Variants in RBFOX1 observed in about 807,000 individuals in gnomAD.
The protein encoded by RBFOX1 is RNA binding protein fox-1 homolog 1.
In RBFOX1, 8 loss-of-function variants were observed where a neutral mutation model predicts 57.7. The observed-to-expected ratio is 0.14, with a 90% confidence interval of 0.08 to 0.25. The LOEUF is 0.25. Ranked by LOEUF, RBFOX1 falls within the 10% of genes least tolerant of loss-of-function variation. The pLI, the probability that RBFOX1 is intolerant of heterozygous loss-of-function variation, is 1.00. For missense variants in RBFOX1, 611 were observed against 548.5 expected (o/e 1.11, Z -1.14); for synonymous variants, 326 against 222.4 (o/e 1.47, Z -4.15).
intron 4 of RBFOX1, among the ~76,000 whole-genome samples, chr16:7,498,447 G>GC (rs1222906666): frequency 2.0e-5 from 2 of 97,880 alleles, no homozygotes; most frequent in Admixed American, 1.8e-4. Flanking sequence ...ATATGTAGTG[G>GC]GTTTTTTTTT....
At chr16:6,619,898 C>A (rs766567125) in intron 2 of RBFOX1, among the ~76,000 whole-genome samples, 1 of 152,008 alleles carries the variant, frequency 6.6e-6, no homozygotes, top group African/African-American at 2.4e-5. Flanking sequence ...TGTGTTGTTC[C>A]CCTCTGTGTG....
At chr16:5,975,861 T>C (rs2060051551) in intron 4 of RBFOX1, among the ~76,000 whole-genome samples, 1 of 152,200 alleles carries the variant, frequency 6.6e-6, no homozygotes, top group African/African-American at 2.4e-5. Flanking sequence ...TTTTTTATTA[T>C]CTGGAAGGGT....
At chr16:5,906,453 C>T (rs932657307) in intron 4 of RBFOX1, among the ~76,000 whole-genome samples, 1 of 152,208 alleles carries the variant, frequency 6.6e-6, no homozygotes, top group East Asian at 1.9e-4. Context: ...TCCTGCTTCA[C>T]AGTCCTCAGA....
chr16:7,558,734 C>A (rs144193798), intron 5 of RBFOX1, among the ~76,000 whole-genome samples: 167 of 152,262 alleles, frequency 1.1e-3, no homozygotes, highest in African/African-American at 3.8e-3. Flanking sequence ...AAGGCTGGAG[C>A]CCTGGAATGT....
chr16:7,119,811 C>T (rs753196409), intron 4 of RBFOX1, among the ~76,000 whole-genome samples: 3 of 151,994 alleles, frequency 2.0e-5, no homozygotes, highest in Admixed American at 6.6e-5. Flanking sequence ...AGAAAATTAA[C>T]GAGGCTGTAG....
At chr16:6,842,344 A>G (rs2093522134) in intron 3 of RBFOX1, among the ~76,000 whole-genome samples, 2 of 152,088 alleles carry the variant, frequency 1.3e-5, no homozygotes, top group Admixed American at 6.5e-5. Flanking sequence ...ACATCTTTGG[A>G]AAGACAAATA....
At chr16:6,939,889 T>C (rs2078056302) in intron 3 of RBFOX1, among the ~76,000 whole-genome samples, 1 of 152,206 alleles carries the variant, frequency 6.6e-6, no homozygotes, top group African/African-American at 2.4e-5. Context: ...CTGCATATTA[T>C]TCAATTTCAC....
chr16:5,271,399 G>A (rs966763575), intron 1 of RBFOX1, among the ~76,000 whole-genome samples: 1 of 152,274 alleles, frequency 6.6e-6, no homozygotes, highest in African/African-American at 2.4e-5. Flanking sequence ...ACATACCCAG[G>A]CTCTACCTCC....
intron 1 of RBFOX1, among the ~76,000 whole-genome samples, chr16:6,154,018 C>T (rs1484887243): frequency 3.3e-5 from 5 of 152,202 alleles, no homozygotes; most frequent in Non-Finnish European, 7.3e-5. Flanking sequence ...TGAATAGAGG[C>T]TGTGGGTTCA....
At chr16:7,469,620 A>T (rs181642226) in intron 4 of RBFOX1, among the ~76,000 whole-genome samples, 2 of 151,958 alleles carry the variant, frequency 1.3e-5, no homozygotes, top group Admixed American at 1.3e-4. Context: ...ATGCACCCAC[A>T]CTCCGTTTCC....
chr16:5,897,104 C>T (rs1286772120), intron 4 of RBFOX1, among the ~76,000 whole-genome samples: 6 of 141,992 alleles, frequency 4.2e-5, no homozygotes, highest in African/African-American at 1.0e-4. Context: ...GGCGCAATCT[C>T]GGCTCACTGC....
chr16:7,517,866 T>C (rs774635652), intron 4 of RBFOX1, among the ~76,000 whole-genome samples: 4 of 151,134 alleles, frequency 2.6e-5, no homozygotes, highest in African/African-American at 4.9e-5. Context: ...CAGACCCTCA[T>C]GTCTTTGAAT....
chr16:6,004,008 A>G (rs1365332916), intron 4 of RBFOX1, among the ~76,000 whole-genome samples: 1 of 152,228 alleles, frequency 6.6e-6, no homozygotes, highest in Admixed American at 6.5e-5. Flanking sequence ...TGAGAGGACT[A>G]GAAGGCAATG....
At chr16:6,565,318 G>A (rs4786881) in intron 2 of RBFOX1, among the ~76,000 whole-genome samples, 79,124 of 150,588 alleles carry the variant, frequency 0.53, 22,050 homozygotes, top group South Asian at 0.73. Flanking sequence ...GCTCAGTGGC[G>A]CGATCTTGGC....
At chr16:7,619,641 T>A (rs2059001677) in intron 10 of RBFOX1, among the ~76,000 whole-genome samples, 1 of 152,174 alleles carries the variant, frequency 6.6e-6, no homozygotes, top group African/African-American at 2.4e-5. Flanking sequence ...AGACAGCTTT[T>A]TAGGCTCTTA....
intron 4 of RBFOX1, among the ~76,000 whole-genome samples, chr16:5,995,228 A>G (rs1251346717): frequency 6.6e-6 from 1 of 152,236 alleles, no homozygotes; most frequent in African/African-American, 2.4e-5. Context: ...CATTTTAAGC[A>G]ATATTCTGTG....
intron 2 of RBFOX1, among the ~76,000 whole-genome samples, chr16:6,527,393 C>T (rs1469750680): frequency 6.6e-6 from 1 of 152,070 alleles, no homozygotes; most frequent in Non-Finnish European, 1.5e-5. Context: ...TCTGTACAGG[C>T]TACTTCGTCC....
intron 1 of RBFOX1, among the ~76,000 whole-genome samples, chr16:5,386,723 T>C (rs1195996689): frequency 6.6e-6 from 1 of 152,126 alleles, no homozygotes; most frequent in Non-Finnish European, 1.5e-5. Flanking sequence ...CAGCAGGAGT[T>C]GTTGCCTCTG....
intron 1 of RBFOX1, among the ~76,000 whole-genome samples, chr16:6,031,335 G>A (rs2095286258): frequency 6.6e-6 from 1 of 152,200 alleles, no homozygotes; most frequent in Admixed American, 6.5e-5. Context: ...GAGAGCAAGG[G>A]AAGGGATGTG....
Sources: allele counts gnomAD v4.1 joint callset (sites outside exome capture counted in the v4.1 genomes callset), GRCh38; gene constraint gnomAD v4.1.1; transcripts MANE v1.5; gene names NCBI Gene and HGNC (gene_info 2026-07-23, HGNC 2026-07-21).